ZBTB20: variants seen among roughly 807,000 people sequenced by gnomAD.
The protein encoded by ZBTB20 is zinc finger and BTB domain-containing protein 20.
ZBTB20 carries 9 observed loss-of-function variants against 56.9 expected under a neutral mutation model. That is an observed-to-expected ratio of 0.16 (90% CI 0.10 to 0.28). ZBTB20 has a LOEUF of 0.28. ZBTB20 is among the 10% of genes least tolerant of loss of function. The pLI is 1.00. For synonymous variants in ZBTB20, 417 were observed against 420.7 expected (o/e 0.99, Z 0.11); for missense variants, 655 against 1,003.0 (o/e 0.65, Z 4.69).
intron 1 of ZBTB20, among the ~76,000 whole-genome samples, chr3:115,114,389 G>A (rs776832242): frequency 1.3e-5 from 2 of 152,042 alleles, no homozygotes; most frequent in Non-Finnish European, 2.9e-5. Context: ...CAATGGCTGT[G>A]CTTACTACAT....
intron 7 of ZBTB20, among the ~76,000 whole-genome samples, chr3:114,485,523 T>C (rs1298671693): frequency 1.3e-5 from 2 of 152,236 alleles, no homozygotes; most frequent in Non-Finnish European, 2.9e-5. Flanking sequence ...TGATGCTTAA[T>C]GAAATATCAT....
intron 7 of ZBTB20, among the ~76,000 whole-genome samples, chr3:114,410,818 C>G (rs954473105): frequency 5.9e-4 from 90 of 152,076 alleles, no homozygotes; most frequent in African/African-American, 2.1e-3. Context: ...ATTTGAGGTC[C>G]GGAGGAGAGG....
chr3:114,735,002 C>T (rs2066041936), intron 5 of ZBTB20, among the ~76,000 whole-genome samples: 1 of 151,886 alleles, frequency 6.6e-6, no homozygotes, highest in African/African-American at 2.4e-5. Context: ...TCTACACACA[C>T]AGTGGCTCAC....
intron 1 of ZBTB20, among the ~76,000 whole-genome samples, chr3:115,141,004 T>C (rs1452058467): frequency 2.0e-5 from 3 of 152,144 alleles, no homozygotes; most frequent in African/African-American, 4.8e-5. Flanking sequence ...GCTATTTTTA[T>C]TGATATAATT....
Position 114,488,574 on chromosome 3 carries a change from A to G in ZBTB20, c.-255+11778T>C, listed in dbSNP as rs1329835690. Among the ~76,000 whole-genome samples the G allele has an allele frequency of 2.0e-5, 3 of 152,226 alleles. No individual in the cohort carries two copies. In the East Asian group the frequency reaches 5.8e-4, roughly 29 times the overall value. Reference sequence around the variant, plus strand: ...AATATTCATGTATATGGCAAAAATTATCACTGAAAATTACAGAATTAGTGA... The same window carrying G: ...AATATTCATGTATATGGCAAAAATTGTCACTGAAAATTACAGAATTAGTGA... On this transcript the variant is annotated intron_variant, in intron 7 of 11. Coordinates refer to ENST00000675478, the MANE Select transcript of ZBTB20 (RefSeq NM_001348800.3).
intron 6 of ZBTB20, among the ~76,000 whole-genome samples, chr3:114,533,441 A>C (rs1417311351): frequency 6.6e-6 from 1 of 152,108 alleles, no homozygotes; most frequent in East Asian, 1.9e-4. Flanking sequence ...AGGTTAGAGA[A>C]AAAAGAATGA....
chr3:114,656,286 G>GT (rs1413561032), intron 6 of ZBTB20, among the ~76,000 whole-genome samples: 1 of 151,978 alleles, frequency 6.6e-6, no homozygotes, highest in Non-Finnish European at 1.5e-5. Context: ...ATATTTTTGT[G>GT]TTTTTTCTCA....
intron 7 of ZBTB20, among the ~76,000 whole-genome samples, chr3:114,466,350 G>A (rs2092552614): frequency 1.3e-5 from 2 of 152,142 alleles, no homozygotes; most frequent in Admixed American, 1.3e-4. Context: ...GATGAGACAA[G>A]CAAGGCACAC....
At chr3:114,429,010 A>G (rs1399788266) in intron 7 of ZBTB20, among the ~76,000 whole-genome samples, 2 of 152,144 alleles carry the variant, frequency 1.3e-5, no homozygotes, top group Non-Finnish European at 2.9e-5. Context: ...AAAAAAAGAT[A>G]CAGGGGGAGA....
At chr3:114,562,344 T>C (rs1194271768) in intron 6 of ZBTB20, among the ~76,000 whole-genome samples, 2 of 152,150 alleles carry the variant, frequency 1.3e-5, no homozygotes, top group African/African-American at 4.8e-5. Context: ...TTTGTATTTT[T>C]AGTAGAGACG....
intron 10 of ZBTB20, among the ~76,000 whole-genome samples, chr3:114,352,482 C>G (rs973101325): frequency 2.0e-5 from 3 of 152,134 alleles, no homozygotes; most frequent in Admixed American, 2.0e-4. Context: ...AAATTCAACC[C>G]AGACTAAGAT....
intron 1 of ZBTB20, among the ~76,000 whole-genome samples, chr3:115,142,590 G>C (rs1021166751): frequency 3.3e-5 from 5 of 151,690 alleles, no homozygotes; most frequent in Non-Finnish European, 7.4e-5. Context: ...CTTGAATCTG[G>C]GAGGGGAGGC....
intron 7 of ZBTB20, among the ~76,000 whole-genome samples, chr3:114,390,786 T>G (rs2085789938): frequency 6.6e-6 from 1 of 152,258 alleles, no homozygotes; most frequent in Admixed American, 6.5e-5. Flanking sequence ...GGCACCTGGA[T>G]GAATACAACA....
intron 3 of ZBTB20, among the ~76,000 whole-genome samples, chr3:114,952,390 C>T (rs1205798582): frequency 1.3e-5 from 2 of 152,070 alleles, no homozygotes; most frequent in Admixed American, 1.3e-4. Context: ...TGATCTTAGA[C>T]TTCTCAGCTT....
At chr3:114,487,820 C>T (rs1322332960) in intron 7 of ZBTB20, among the ~76,000 whole-genome samples, 1 of 152,210 alleles carries the variant, frequency 6.6e-6, no homozygotes, top group Non-Finnish European at 1.5e-5. Flanking sequence ...TAGTAATACA[C>T]ATGGGAATCA....
rs565416741 is a variant in ZBTB20 at position 114,464,763 on chromosome 3, T to A, written c.-255+35589A>T. On this transcript the variant is annotated intron_variant, in intron 7 of 11. Coordinates refer to ENST00000675478, the MANE Select transcript of ZBTB20 (RefSeq NM_001348800.3). ...AGCTGGGGGGATTTCCTGAGGCCATTGTAGACCAGCTCACACACTGTTAAG... is the reference window on the plus strand; with the variant it reads ...AGCTGGGGGGATTTCCTGAGGCCATAGTAGACCAGCTCACACACTGTTAAG... Among the ~76,000 whole-genome samples, 21 of 152,218 alleles carry A rather than the reference T, an allele frequency of 1.4e-4. No homozygotes were observed. In the East Asian group the frequency reaches 3.9e-3, roughly 28 times the overall value.
intron 3 of ZBTB20, among the ~76,000 whole-genome samples, chr3:114,919,503 C>A (rs1034659049): frequency 1.3e-5 from 2 of 151,968 alleles, no homozygotes; most frequent in African/African-American, 2.4e-5. Flanking sequence ...GTCAGGAGTT[C>A]GAGACCATCC....
Position 115,017,981 on chromosome 3 carries a change from T to A in ZBTB20, c.-506-43565A>T, listed in dbSNP as rs116684063. 4.2e-3 allele frequency among the ~76,000 whole-genome samples: 635 copies of A among 151,730 alleles called. 6 individuals carry two copies. The highest frequency in any genetic ancestry group is 0.014 in the African/African-American group (593 of 41,488). On this transcript the variant is annotated intron_variant, in intron 2 of 11. Transcript: ENST00000675478. ...AAACACCCAGTTTCTTGAAATTTAC[T>A]TTTCAATGACTTCTTCCAAATTTAA...
chr3:114,767,552 A>G (rs760229566), intron 5 of ZBTB20, among the ~76,000 whole-genome samples: 6 of 151,804 alleles, frequency 4.0e-5, no homozygotes, highest in Non-Finnish European at 8.8e-5. Flanking sequence ...GACAGAAGAA[A>G]GGAAGTGAGG....
Sources: gnomAD v4.1 joint callset for allele counts (sites outside exome capture counted in the v4.1 genomes callset) on GRCh38, gnomAD v4.1.1 for gene constraint, MANE v1.5 for transcripts, NCBI Gene and HGNC (gene_info 2026-07-23, HGNC 2026-07-21) for gene names.